Variants in MYO1E observed in about 807,000 individuals in gnomAD.
The protein encoded by MYO1E is myosin IE, also known as unconventional myosin-Ie.
A neutral mutation model predicts 151.1 loss-of-function variants in MYO1E; 68 were observed. The ratio of observed to expected loss-of-function variants is 0.45; its 90% CI spans 0.37 to 0.55. MYO1E has a LOEUF of 0.55. MYO1E is among the 20% of genes least tolerant of loss of function. The probability of loss-of-function intolerance (pLI) is 0.00; values close to 1 mark genes in which losing one functional copy is unlikely to be tolerated. For synonymous variants in MYO1E, 601 were observed against 501.7 expected, an observed-to-expected ratio of 1.20 and a Z score of -2.64; for missense variants, 1,363 against 1,389.3, an observed-to-expected ratio of 0.98 and a Z score of 0.30.
chr15:59,165,910 G>C (rs550930354), intron 22 of MYO1E, among the ~76,000 whole-genome samples: 5 of 152,162 alleles, frequency 3.3e-5, no homozygotes, highest in Non-Finnish European at 5.9e-5. Flanking sequence ...GCTTTCTTTG[G>C]CATGTCTGGT....
intron 4 of MYO1E, among the ~76,000 whole-genome samples, chr15:59,247,290 C>G (rs1341344616): frequency 6.6e-6 from 1 of 152,168 alleles, no homozygotes; most frequent in Admixed American, 6.5e-5. Context: ...ACCTGGCGAA[C>G]CTGTCCTGAC....
At chr15:59,174,701 G>A (rs372552228) in intron 19 of MYO1E, among the ~76,000 whole-genome samples, 5 of 152,144 alleles carry the variant, frequency 3.3e-5, no homozygotes, top group African/African-American at 9.6e-5. Context: ...GGCTTGTGCT[G>A]CTGTGGAAGG....
intron 1 of MYO1E, among the ~76,000 whole-genome samples, chr15:59,274,587 A>G (rs1268291507): frequency 6.6e-6 from 1 of 152,198 alleles, no homozygotes; most frequent in Non-Finnish European, 1.5e-5. Flanking sequence ...AATAAAACAC[A>G]AGGGCTGTTA....
At chr15:59,207,402 G>A (rs777644227) in intron 14 of MYO1E, 66 of 1,613,884 alleles carry the variant, frequency 4.1e-5, no homozygotes, top group East Asian at 1.8e-4. Context: ...AGGGAGAAAC[G>A]CGCCTTAATT....
At chr15:59,340,265 G>A (rs1028534790) in intron 1 of MYO1E, among the ~76,000 whole-genome samples, 15 of 152,046 alleles carry the variant, frequency 9.9e-5, no homozygotes, top group Admixed American at 5.9e-4. Flanking sequence ...AGCCATGATC[G>A]TGCCACTGAA....
intron 5 of MYO1E, among the ~76,000 whole-genome samples, chr15:59,233,533 G>T (rs2080041307): frequency 6.6e-6 from 1 of 151,856 alleles, no homozygotes; most frequent in African/African-American, 2.4e-5. Context: ...GCATAGTGGT[G>T]CACGCCTGTA....
rs373907262 is a variant in MYO1E, at chr15:59,185,533, C to G, written c.1904+2585G>C. ...ATGCCCACCTCGGCCTCCCAAAGTG[C>G]TGGGATTATAGGTGTGAGCCACCGT... On this transcript the variant is annotated intron_variant, in intron 18 of 27. Transcript: ENST00000288235. Among the ~76,000 whole-genome samples, 13 of 152,278 alleles carry G rather than the reference C, an allele frequency of 8.5e-5. No individual in the cohort carries two copies. In the South Asian group the frequency reaches 1.0e-3, roughly 12 times the overall value.
chr15:59,372,381 C>T lies in MYO1E; in HGVS notation c.3+117G>A, dbSNP rs2080952143. The T allele has an allele frequency of 5.4e-6, 7 of 1,290,048 alleles. No homozygotes were observed. In the East Asian group the frequency reaches 7.7e-5, roughly 14 times the overall value. 79.9% of individuals were successfully genotyped at this position (1,290,048 alleles called of 1,614,324 possible). ...TCAGAGCTCGCGACGTGCCGGCTCC[C>T]GCGTCCACCTTCTCCACCCCTGGCC... On this transcript the variant is annotated intron_variant, in intron 1 of 27. Coordinates refer to ENST00000288235, the MANE Select transcript of MYO1E (RefSeq NM_004998.4).
chr15:59,143,236 C>T (rs2079421510), intron 26 of MYO1E, among the ~76,000 whole-genome samples: 1 of 152,184 alleles, frequency 6.6e-6, no homozygotes, highest in Non-Finnish European at 1.5e-5. Flanking sequence ...GGCCCTTTAT[C>T]ACTAGGCTGA....
chr15:59,235,254 G>T (rs1051476630), intron 5 of MYO1E, among the ~76,000 whole-genome samples: 5 of 152,110 alleles, frequency 3.3e-5, no homozygotes, highest in Non-Finnish European at 1.5e-5. Context: ...AACCATGCAA[G>T]TTTCTAAAGG....
intron 16 of MYO1E, among the ~76,000 whole-genome samples, chr15:59,199,825 A>T (rs1328006353): frequency 6.6e-6 from 1 of 152,214 alleles, no homozygotes; most frequent in Non-Finnish European, 1.5e-5. Context: ...TGATGTCTGC[A>T]AATTACTGTA....
At chr15:59,363,457 T>C (rs539837864) in intron 1 of MYO1E, among the ~76,000 whole-genome samples, 2 of 152,336 alleles carry the variant, frequency 1.3e-5, no homozygotes, top group South Asian at 4.1e-4. Context: ...TTGGTGATTT[T>C]CTATCAGCCT....
chr15:59,294,597 G>A (rs1410331530), intron 1 of MYO1E, among the ~76,000 whole-genome samples: 1 of 152,182 alleles, frequency 6.6e-6, no homozygotes, highest in African/African-American at 2.4e-5. Flanking sequence ...GCAGCCACAG[G>A]AACTCAAGGG....
chr15:59,314,947 T>A (rs973267742), intron 1 of MYO1E, among the ~76,000 whole-genome samples: 1 of 152,098 alleles, frequency 6.6e-6, no homozygotes. Flanking sequence ...GGTTGCCTGG[T>A]CTGATTTTTC....
intron 22 of MYO1E, among the ~76,000 whole-genome samples, chr15:59,168,616 A>G (rs1317260541): frequency 4.6e-5 from 7 of 152,076 alleles, no homozygotes; most frequent in Non-Finnish European, 1.0e-4. Flanking sequence ...GGATAATCAC[A>G]ATTATCTACA....
At chr15:59,288,798 T>C (rs191314261) in intron 1 of MYO1E, among the ~76,000 whole-genome samples, 5 of 152,232 alleles carry the variant, frequency 3.3e-5, no homozygotes, top group East Asian at 1.9e-4. Flanking sequence ...ATTCTGAGAA[T>C]AGGGATCCGC....
intron 5 of MYO1E, among the ~76,000 whole-genome samples, chr15:59,234,501 C>G (rs2080050087): frequency 6.6e-6 from 1 of 152,112 alleles, no homozygotes; most frequent in Admixed American, 6.5e-5. Flanking sequence ...TCTGATCTAC[C>G]AGTACATGAT....
chr15:59,292,140 T>C (rs1326502448), intron 1 of MYO1E, among the ~76,000 whole-genome samples: 1 of 152,236 alleles, frequency 6.6e-6, no homozygotes, highest in Non-Finnish European at 1.5e-5. Flanking sequence ...TTTGAGTGGC[T>C]GTGGATAAAG....
chr15:59,180,578 A>G (rs1261933807), intron 18 of MYO1E, among the ~76,000 whole-genome samples: 11 of 151,304 alleles, frequency 7.3e-5, no homozygotes, highest in Admixed American at 7.3e-4. Flanking sequence ...AACCTTGCAG[A>G]GACTTTCTCT....
Sources: gnomAD v4.1 joint callset for allele counts (sites outside exome capture counted in the v4.1 genomes callset) on GRCh38, gnomAD v4.1.1 for gene constraint, MANE v1.5 for transcripts, NCBI Gene and HGNC (gene_info 2026-07-23, HGNC 2026-07-21) for gene names.